SMAD6: variants seen among roughly 807,000 people sequenced by gnomAD.
The protein encoded by SMAD6 is MAD homolog 6.
A neutral mutation model predicts 39.4 loss-of-function variants in SMAD6; 103 were observed. The ratio of observed to expected loss-of-function variants is 2.62; its 90% CI spans 2.23 to 3.08. The LOEUF (loss-of-function observed/expected upper bound fraction) is 3.08. Among genes scored for constraint, SMAD6 ranks in the 30% most tolerant of loss-of-function variants. SMAD6 has a pLI of 0.00. For missense variants in SMAD6, 1,104 were observed against 742.9 expected (o/e 1.49, Z -5.65); for synonymous variants, 445 against 353.3 (o/e 1.26, Z -2.91).
chr15:66,755,311 C>T (rs1172576361), intron 3 of SMAD6, among the ~76,000 whole-genome samples: 3 of 152,134 alleles, frequency 2.0e-5, no homozygotes, highest in Admixed American at 6.5e-5. Context: ...ACTCACAGGC[C>T]CAGCCAGCGT....
chr15:66,717,380 G>C (rs1234902446), intron 3 of SMAD6: 4 of 456,248 alleles, frequency 8.8e-6, no homozygotes, highest in African/African-American at 8.0e-5. Context: ...TTTATTGAGT[G>C]TATGCTATGG....
At chr15:66,717,456 G>C (rs759574124) in intron 3 of SMAD6, 1 of 455,688 alleles carries the variant, frequency 2.2e-6, no homozygotes, top group Admixed American at 2.4e-5. Context: ...TTGTCTCCAG[G>C]GTTTGTGCTC....
At chr15:66,754,491 G>A (rs144936494) in intron 3 of SMAD6, among the ~76,000 whole-genome samples, 94 of 152,336 alleles carry the variant, frequency 6.2e-4, no homozygotes, top group Non-Finnish European at 1.2e-3. Context: ...CAGTGAATGC[G>A]TGTGCCCATT....
intron 2 of SMAD6, among the ~76,000 whole-genome samples, chr15:66,715,977 C>CGGGA (rs1893321328): frequency 6.6e-6 from 1 of 151,154 alleles, no homozygotes; most frequent in African/African-American, 2.4e-5. Context: ...CCAGCCCTAG[C>CGGGA]GGGAGGGAGG....
chr15:66,709,365 C>A (rs1410616607), intron 1 of SMAD6, among the ~76,000 whole-genome samples: 1 of 152,212 alleles, frequency 6.6e-6, no homozygotes, highest in Non-Finnish European at 1.5e-5. Flanking sequence ...ACTCCCAACT[C>A]AGCTATGGCC....
rs1893019105 is a variant in SMAD6 at position 66,703,338 on chromosome 15, GC to G, written c.81del (p.Ser27ArgfsTer37). Reference protein sequence around the residue: ...RVVPDREEGGSGGGGGGDEDG... With the variant: ...RVVPDREEGGXGGGGGGDEDG... ...GTCCCCGACCGGGAGGAAGGCGGCAGCGGCGGCGGCGGTGGCGGCGACGAGG... is the reference window on the plus strand; with the variant it reads ...GTCCCCGACCGGGAGGAAGGCGGCAGGGCGGCGGCGGTGGCGGCGACGAGG... On this transcript the variant is annotated frameshift_variant, in exon 1 of 4. Coordinates refer to ENST00000288840, the MANE Select transcript of SMAD6 (RefSeq NM_005585.5). LOFTEE classifies it high-confidence loss of function. 3 of 1,479,180 alleles carry G rather than the reference GC, an allele frequency of 2.0e-6. No homozygotes were observed. The highest frequency in any genetic ancestry group is 2.4e-5 in the Admixed American group (1 of 41,304). The allele number at this position is 1,479,180 out of a possible 1,614,324, so 91.6% of individuals were successfully genotyped here. A position where few individuals can be genotyped will look rare whatever the true frequency, so the allele number is the denominator to read the frequency against.
At chr15:66,766,705 C>T (rs1360044433) in intron 3 of SMAD6, among the ~76,000 whole-genome samples, 1 of 152,150 alleles carries the variant, frequency 6.6e-6, no homozygotes, top group Admixed American at 6.5e-5. Flanking sequence ...AGGAAAGGCA[C>T]CCCCTCCTCT....
chr15:66,711,590 C>T, intron 1 of SMAD6, 78 bp from the exon 2 acceptor site: 1 of 1,099,566 alleles, frequency 9.1e-7, no homozygotes, highest in Non-Finnish European at 1.4e-6. Context: ...ATTTGGGAAA[C>T]CAGTAATTAA....
In SMAD6 at chr15:66,782,141, A is replaced by G; in HGVS notation, c.*606A>G. On this transcript the variant is annotated 3_prime_UTR_variant, in exon 4 of 4. Coordinates refer to ENST00000288840, the MANE Select transcript of SMAD6 (RefSeq NM_005585.5). ...CAAATTGAAAAGGGAGGAAAGTCAC[A>G]TTTACTCTTAAGTAAACCAGAGAAA... The G allele has an allele frequency of 2.6e-6, 1 of 384,332 alleles. No individual in the cohort carries two copies. The highest frequency in any genetic ancestry group is 4.6e-6 in the Non-Finnish European group (1 of 218,986). The allele number at this position is 384,332 out of a possible 1,614,324, so 23.8% of individuals were successfully genotyped here.
chr15:66,712,460 C>G (rs909887590), intron 2 of SMAD6, among the ~76,000 whole-genome samples: 7 of 152,122 alleles, frequency 4.6e-5, no homozygotes, highest in African/African-American at 1.4e-4. Context: ...GGACAGATCA[C>G]TTGAGGTTAG....
intron 3 of SMAD6, among the ~76,000 whole-genome samples, chr15:66,772,789 C>T (rs1894399992): frequency 1.3e-5 from 2 of 152,214 alleles, no homozygotes; most frequent in Non-Finnish European, 2.9e-5. Flanking sequence ...CACATGCAGG[C>T]ACCTTTGCTC....
intron 2 of SMAD6, among the ~76,000 whole-genome samples, chr15:66,714,197 A>G (rs984112469): frequency 6.6e-6 from 1 of 152,224 alleles, no homozygotes; most frequent in African/African-American, 2.4e-5. Context: ...TAAAGCAGCA[A>G]AAATCAGGAC....
At chr15:66,771,668 C>T (rs1226652218) in intron 3 of SMAD6, among the ~76,000 whole-genome samples, 4 of 152,136 alleles carry the variant, frequency 2.6e-5, no homozygotes, top group Admixed American at 2.0e-4. Context: ...GGGATTCCTG[C>T]GCTGCACTCT....
chr15:66,779,501 C>T (rs1894522300), intron 3 of SMAD6, among the ~76,000 whole-genome samples: 1 of 152,194 alleles, frequency 6.6e-6, no homozygotes, highest in Non-Finnish European at 1.5e-5. Flanking sequence ...AGCAGTCAGC[C>T]TCCAGGAGGC....
chr15:66,703,865 G>T lies in SMAD6; in HGVS notation c.607G>T (p.Gly203Cys). The change falls in exon 1 of 4, where the codon GGC (glycine) becomes TGC (cysteine). Residue 203 changes from glycine (G) to cysteine (C), a missense_variant. Physicochemically the swap from Gly to Cys is radical, Grantham distance 159. Coordinates refer to ENST00000288840, the MANE Select transcript of SMAD6 (RefSeq NM_005585.5). Reference sequence around the variant, plus strand: ...GGTGGAGTCCCGCGGCGGCGTGCCGGGCGGCTGCGTGCTGGTGCCGCGCGC... The same window carrying T: ...GGTGGAGTCCCGCGGCGGCGTGCCGTGCGGCTGCGTGCTGGTGCCGCGCGC... ...EAVESRGGVPGGCVLVPRADL... is the reference protein window; with the variant it reads ...EAVESRGGVPCGCVLVPRADL... 7.4e-7 allele frequency: 1 copy of T among 1,342,318 alleles called. No individual in the cohort carries two copies. The allele number at this position is 1,342,318 out of a possible 1,614,324, so 83.2% of individuals were successfully genotyped here.
chr15:66,724,833 C>T (rs970790882), intron 3 of SMAD6, among the ~76,000 whole-genome samples: 6 of 148,852 alleles, frequency 4.0e-5, no homozygotes, highest in Non-Finnish European at 6.0e-5. Context: ...AGGCTGCTGG[C>T]GAGGCAGGGT....
intron 3 of SMAD6, among the ~76,000 whole-genome samples, chr15:66,748,569 A>AAAACACTATTT (rs1206893950): frequency 1.2e-4 from 19 of 152,354 alleles, no homozygotes; most frequent in African/African-American, 4.6e-4. Context: ...TTAGTATGAG[A>AAAACACTATTT]AAACACTATT....
At chr15:66,717,265 C>A in intron 3 of SMAD6, 1 of 559,584 alleles carries the variant, frequency 1.8e-6, no homozygotes, top group Non-Finnish European at 3.1e-6. Context: ...CAGGCTGGGG[C>A]TGCATACCTT....
chr15:66,729,656 G>C (rs971519004), intron 3 of SMAD6, among the ~76,000 whole-genome samples: 2 of 152,216 alleles, frequency 1.3e-5, no homozygotes, highest in Admixed American at 1.3e-4. Flanking sequence ...AGGGAGCACT[G>C]TGTGAGTTAC....
Sources: allele counts gnomAD v4.1 joint callset (sites outside exome capture counted in the v4.1 genomes callset), GRCh38; gene constraint gnomAD v4.1.1; transcripts MANE v1.5; gene names NCBI Gene and HGNC (gene_info 2026-07-23, HGNC 2026-07-21).